TBC1D5: variants seen among roughly 807,000 people sequenced by gnomAD.
The protein encoded by TBC1D5 is TBC1 domain family member 5.
Under a neutral mutation model 100.3 loss-of-function variants are expected in TBC1D5, and 75 were observed. That is an observed-to-expected ratio of 0.75 (90% CI 0.62 to 0.91). The LOEUF is 0.91. TBC1D5 is among the 40% of genes least tolerant of loss of function. TBC1D5 has a pLI of 0.00. For synonymous variants in TBC1D5, 323 were observed against 325.6 expected, an observed-to-expected ratio of 0.99 and a Z score of 0.09; for missense variants, 910 against 942.4, an observed-to-expected ratio of 0.97 and a Z score of 0.45.
At chr3:17,208,373 T>C (rs1274433284) in intron 18 of TBC1D5, among the ~76,000 whole-genome samples, 2 of 152,258 alleles carry the variant, frequency 1.3e-5, no homozygotes, top group African/African-American at 2.4e-5. Flanking sequence ...ACAATACATA[T>C]ATATCACTTT....
At chr3:17,679,792 A>G (rs1293859362) in intron 1 of TBC1D5, among the ~76,000 whole-genome samples, 2 of 151,538 alleles carry the variant, frequency 1.3e-5, no homozygotes, top group East Asian at 3.8e-4. Flanking sequence ...AGTATTACTG[A>G]TTTATCTTTG....
intron 14 of TBC1D5, among the ~76,000 whole-genome samples, chr3:17,293,249 T>C (rs283908): frequency 0.4 from 61,390 of 152,002 alleles, 13,063 homozygotes; most frequent in Middle Eastern, 0.5. Flanking sequence ...GTCCTTTTTT[T>C]CTCCAGAAAT....
At chr3:17,436,086 AG>A (rs1193449664) in intron 3 of TBC1D5, among the ~76,000 whole-genome samples, 2 of 152,238 alleles carry the variant, frequency 1.3e-5, no homozygotes, top group Non-Finnish European at 2.9e-5. Context: ...AAGTATTTCC[AG>A]GAGTAAGCCT....
chr3:17,425,278 T>C (rs2094309638), intron 4 of TBC1D5, among the ~76,000 whole-genome samples: 2 of 152,192 alleles, frequency 1.3e-5, no homozygotes, highest in African/African-American at 4.8e-5. Context: ...TTGTCAAAAG[T>C]ATTCAAAGTA....
intron 2 of TBC1D5, among the ~76,000 whole-genome samples, chr3:17,592,981 T>A (rs1191203775): frequency 2.0e-5 from 3 of 152,128 alleles, no homozygotes; most frequent in African/African-American, 7.2e-5. Context: ...CATCTAGCCA[T>A]AAAGTGGGTC....
intron 2 of TBC1D5, among the ~76,000 whole-genome samples, chr3:17,556,335 T>C (rs560937427): frequency 6.6e-6 from 1 of 152,254 alleles, no homozygotes; most frequent in South Asian, 2.1e-4. Flanking sequence ...TTTTTAAGCC[T>C]ACAAAAAAAT....
chr3:17,661,777 CA>C (rs1443563062), intron 1 of TBC1D5, among the ~76,000 whole-genome samples: 1 of 152,148 alleles, frequency 6.6e-6, no homozygotes, highest in Non-Finnish European at 1.5e-5. Context: ...GGATCACAGG[CA>C]TGAGCCATCG....
At chr3:17,600,693 T>C (rs2060874529) in intron 2 of TBC1D5, among the ~76,000 whole-genome samples, 1 of 152,206 alleles carries the variant, frequency 6.6e-6, no homozygotes, top group Non-Finnish European at 1.5e-5. Context: ...GTCATAACTT[T>C]TTTTCTTTAA....
At chr3:17,537,643 T>G (rs568507865) in intron 2 of TBC1D5, among the ~76,000 whole-genome samples, 8 of 152,334 alleles carry the variant, frequency 5.3e-5, no homozygotes, top group Admixed American at 4.6e-4. Context: ...TAATCACATA[T>G]AAGTGGAATA....
At chr3:17,560,978 T>C (rs1476632707) in intron 2 of TBC1D5, among the ~76,000 whole-genome samples, 1 of 151,890 alleles carries the variant, frequency 6.6e-6, no homozygotes, top group Non-Finnish European at 1.5e-5. Context: ...TAAACTATAG[T>C]GTCTAGAGAC....
chr3:17,570,480 C>T (rs971702315), intron 2 of TBC1D5, among the ~76,000 whole-genome samples: 1 of 151,910 alleles, frequency 6.6e-6, no homozygotes, highest in Non-Finnish European at 1.5e-5. Flanking sequence ...ACATTTTATT[C>T]TGAAATTTTT....
chr3:17,380,079 G>GTGTGTGTGTGTGTC (rs2092884410), intron 9 of TBC1D5, among the ~76,000 whole-genome samples: 1 of 147,006 alleles, frequency 6.8e-6, no homozygotes, highest in South Asian at 2.1e-4. Context: ...GTGTGTGTGT[G>GTGTGTGTGTGTGTC]TGTGTGTGTG....
At chr3:17,162,090 C>T (rs1385877447) in intron 21 of TBC1D5, among the ~76,000 whole-genome samples, 1 of 152,176 alleles carries the variant, frequency 6.6e-6, no homozygotes, top group African/African-American at 2.4e-5. Context: ...AGCCAAAGTT[C>T]GACCAAGGAC....
intron 1 of TBC1D5, among the ~76,000 whole-genome samples, chr3:17,728,975 T>C (rs1367068877): frequency 2.0e-5 from 2 of 98,656 alleles, no homozygotes; most frequent in African/African-American, 4.1e-5. Flanking sequence ...ATGATAGGCA[T>C]AGAGTTAAAG....
At chr3:17,403,231 G>T in exon 8 of TBC1D5, 1 of 1,589,374 alleles carries the variant, frequency 6.3e-7, no homozygotes, top group South Asian at 1.1e-5. Flanking sequence ...TATCTTGGAA[G>T]AATTTGTTCC....
At chr3:17,634,740 T>C (rs1446739595) in intron 1 of TBC1D5, among the ~76,000 whole-genome samples, 2 of 152,098 alleles carry the variant, frequency 1.3e-5, no homozygotes, top group Non-Finnish European at 2.9e-5. Context: ...AATAGTTGGA[T>C]TGTTAACACA....
chr3:17,255,740 T>A (rs1442027048), intron 16 of TBC1D5, among the ~76,000 whole-genome samples: 1 of 152,172 alleles, frequency 6.6e-6, no homozygotes, highest in African/African-American at 2.4e-5. Flanking sequence ...CAATTAAAAA[T>A]TTTAAAATAA....
At chr3:17,742,277 G>C (rs1560604293), upstream of TBC1D5, among the ~76,000 whole-genome samples, 2 of 152,166 alleles carry the variant, frequency 1.3e-5, no homozygotes, top group Non-Finnish European at 2.9e-5. Context: ...CCCGTCCGCC[G>C]TGGCGGCGGC....
At chr3:17,623,676 C>T (rs972454940) in intron 2 of TBC1D5, 173 bp downstream of exon 2, 1 of 152,246 alleles carries the variant, frequency 6.6e-6, no homozygotes, top group African/African-American at 2.4e-5. Flanking sequence ...CAATTGTAGG[C>T]CCTGCCCCCA....
Sources: gnomAD v4.1 joint callset for allele counts (sites outside exome capture counted in the v4.1 genomes callset) on GRCh38, gnomAD v4.1.1 for gene constraint, MANE v1.5 for transcripts, NCBI Gene and HGNC (gene_info 2026-07-23, HGNC 2026-07-21) for gene names.